The following SLC39A8 variants were observed in gnomAD, a reference collection of about 807,000 sequenced individuals.
The protein encoded by SLC39A8 is solute carrier family 39 member 8.
In SLC39A8, 15 loss-of-function variants were observed where a neutral mutation model predicts 40.4. That is an observed-to-expected ratio of 0.37 (90% confidence interval 0.25 to 0.57). The LOEUF (loss-of-function observed/expected upper bound fraction) is 0.57, where lower values mean the gene tolerates loss of function less well. SLC39A8 is among the 20% of genes least tolerant of loss of function. The pLI is 0.75. For synonymous variants in SLC39A8, 223 were observed against 221.6 expected (o/e 1.01, Z -0.06); for missense variants, 472 against 558.8 (o/e 0.84, Z 1.57).
In SLC39A8 at chr4:102,344,485, G is replaced by A. The variant is rs1736075296; in HGVS notation, c.178C>T (p.Arg60Cys). ...TGGCCAGGCTCCGGGACGCCCACGC[G>A]GGAGGCGGCTCCCATCTGCTCCAGC... Reference protein sequence around the residue: ...HLLEQMGAASRVGVPEPGQLH... With the variant: ...HLLEQMGAASCVGVPEPGQLH... The change falls in exon 2 of 9, where the codon CGC becomes TGC. Residue 60 changes from arginine (R) to cysteine (C), a missense_variant. This residue lies in a region of SLC39A8 where 175 missense variants were observed against 160.5 expected (regional missense o/e 1.09). Transcript: ENST00000356736. The A allele has an allele frequency of 4.5e-6, 7 of 1,551,202 alleles. No homozygotes were observed. Among genetic ancestry groups the A allele is most frequent in the African/African-American group, 1.4e-5 (1 of 72,416 alleles).
intron 2 of SLC39A8, among the ~76,000 whole-genome samples, chr4:102,338,823 C>T (rs1196898272): frequency 6.6e-6 from 1 of 152,068 alleles, no homozygotes; most frequent in African/African-American, 2.4e-5. Flanking sequence ...AATAATGGGA[C>T]CTTTATCATA....
chr4:102,320,179 A>ACATATATATATATGTATATATATATG (rs1553916628), intron 2 of SLC39A8, among the ~76,000 whole-genome samples: 2 of 99,802 alleles, frequency 2.0e-5, no homozygotes, highest in African/African-American at 6.4e-5. Context: ...ATATATATAT[A>ACATATATATATATGTATATATATATG]TATATATATA....
chr4:102,318,747 G>C (rs1172277716), intron 2 of SLC39A8, among the ~76,000 whole-genome samples: 1 of 152,142 alleles, frequency 6.6e-6, no homozygotes, highest in Non-Finnish European at 1.5e-5. Flanking sequence ...GGATCATCAA[G>C]TGCTACTCAG....
At chr4:102,282,618 TG>T (rs5860723) in intron 6 of SLC39A8, among the ~76,000 whole-genome samples, 83,594 of 150,436 alleles carry the variant, frequency 0.56, 25,346 homozygotes, top group Non-Finnish European at 0.68. Flanking sequence ...AATTAAATGG[TG>T]GGGGGGGGTG....
intron 11 of SLC39A8, among the ~76,000 whole-genome samples, chr4:102,256,399 A>G (rs141682152): frequency 5.9e-5 from 9 of 152,300 alleles, no homozygotes; most frequent in South Asian, 2.1e-4. Context: ...CTAGAAATCT[A>G]TGTCTTTATT....
At chr4:102,284,138 C>G (rs426442) in intron 6 of SLC39A8, among the ~76,000 whole-genome samples, 116,942 of 152,118 alleles carry the variant, frequency 0.77, 45,297 homozygotes, top group African/African-American at 0.84. Context: ...TGGGGTACAA[C>G]TATAATTTTG....
chr4:102,268,867 A>G (rs2149005787), intron 6 of SLC39A8, among the ~76,000 whole-genome samples: 1 of 152,368 alleles, frequency 6.6e-6, no homozygotes, highest in Middle Eastern at 3.4e-3. Flanking sequence ...AAATTGTACA[A>G]AATCAAATGA....
intron 2 of SLC39A8, among the ~76,000 whole-genome samples, chr4:102,321,374 T>C (rs1490912219): frequency 1.3e-5 from 2 of 152,092 alleles, no homozygotes; most frequent in Admixed American, 6.6e-5. Flanking sequence ...GCCTGAGCAG[T>C]GGGAGAATAG....
rs375900015 is a variant in SLC39A8, at chr4:102,315,723, G to A, written c.327C>T (p.Asn109=). The A allele has an allele frequency of 1.9e-6, 3 of 1,613,096 alleles. No individual in the cohort carries two copies. The African/African-American group carries it at 4.0e-5, about 22-fold the overall frequency. ...VICPAVLQQL[N]FHPCEDRPKH... ...TGGGCCGATCCTCACATGGGTGAAAGTTCAATTGCTGTAAGACTGCTGGAC... is the reference window on the plus strand; with the variant it reads ...TGGGCCGATCCTCACATGGGTGAAAATTCAATTGCTGTAAGACTGCTGGAC... Residue 109 remains asparagine (N), a synonymous_variant, in exon 3 of 9, where the codon AAC becomes AAT. Coordinates refer to ENST00000356736, the MANE Select transcript of SLC39A8 (RefSeq NM_001135146.2).
At position 102,262,040 on chromosome 4, in the gene SLC39A8, A is replaced by G; in HGVS notation, c.*1004T>C. On this transcript the variant is annotated 3_prime_UTR_variant, in exon 9 of 9. Transcript: ENST00000356736. Reference sequence around the variant, plus strand: ...AAAAGTATAGGCTGAACACAAAGGAAGTCTTTTCTGAATGGCTCTCGATCA... The same window carrying G: ...AAAAGTATAGGCTGAACACAAAGGAGGTCTTTTCTGAATGGCTCTCGATCA... 2 of 985,990 alleles carry G rather than the reference A, an allele frequency of 2.0e-6. No homozygotes were observed. Among genetic ancestry groups the G allele is most frequent in the Non-Finnish European group, 2.4e-6 (2 of 829,922 alleles). 61.1% of individuals were successfully genotyped at this position (985,990 alleles called of 1,614,324 possible).
At chr4:102,282,658 A>G (rs1335529476) in intron 6 of SLC39A8, among the ~76,000 whole-genome samples, 1 of 152,180 alleles carries the variant, frequency 6.6e-6, no homozygotes, top group Non-Finnish European at 1.5e-5. Flanking sequence ...TGAAATATCA[A>G]AATACATTTC....
intron 6 of SLC39A8, among the ~76,000 whole-genome samples, chr4:102,291,688 A>G (rs1172591742): frequency 6.7e-6 from 1 of 150,304 alleles, no homozygotes; most frequent in East Asian, 2.0e-4. Context: ...TTTCTTTGTT[A>G]TGCCCCTAAG....
At chr4:102,327,205 G>A (rs955320495) in intron 2 of SLC39A8, among the ~76,000 whole-genome samples, 9 of 152,236 alleles carry the variant, frequency 5.9e-5, no homozygotes, top group Admixed American at 2.0e-4. Context: ...AGGCTGCAGT[G>A]AGTCATGATC....
chr4:102,329,875 C>G (rs759954429), intron 2 of SLC39A8, among the ~76,000 whole-genome samples: 2 of 152,278 alleles, frequency 1.3e-5, no homozygotes, highest in Non-Finnish European at 2.9e-5. Flanking sequence ...GATTAAGATA[C>G]TCACTCAAAA....
rs1731916833 is a variant in SLC39A8, at chr4:102,262,700, G to T, written c.*344C>A. On this transcript the variant is annotated 3_prime_UTR_variant, in exon 9 of 9. Coordinates refer to ENST00000356736, the MANE Select transcript of SLC39A8 (RefSeq NM_001135146.2). ...ACCATAGAGTTTTAAAGGCTTTCAG[G>T]ATATAACTTGTATTTTCCCCTGAGT... 1 of 1,009,094 alleles carries T rather than the reference G, an allele frequency of 9.9e-7. No homozygotes were observed. Among genetic ancestry groups the T allele is most frequent in the Non-Finnish European group, 1.2e-6 (1 of 845,598 alleles). 62.5% of individuals were successfully genotyped at this position (1,009,094 alleles called of 1,614,324 possible).
chr4:102,342,647 T>C (rs1049321084), intron 2 of SLC39A8, among the ~76,000 whole-genome samples: 3 of 152,220 alleles, frequency 2.0e-5, no homozygotes, highest in South Asian at 2.1e-4. Context: ...CAGTTAAATA[T>C]GCAAACATGA....
rs1268530352 is a variant in SLC39A8, at chr4:102,267,473, A to C, written c.1233+17T>G. The C allele has an allele frequency of 6.4e-7, 1 of 1,566,306 alleles. No homozygotes were observed. The highest frequency in any genetic ancestry group is 8.6e-7 in the Non-Finnish European group (1 of 1,161,210). Reference sequence around the variant, plus strand: ...AAATTTTAAATTAAAAGAAAATACAAATTTTAAGCTTCTTACCATATCTGC... The same window carrying C: ...AAATTTTAAATTAAAAGAAAATACACATTTTAAGCTTCTTACCATATCTGC... On this transcript the variant is annotated intron_variant, in intron 8 of 8. Coordinates refer to ENST00000356736, the MANE Select transcript of SLC39A8 (RefSeq NM_001135146.2).
chr4:102,314,451 C>T, intron 3 of SLC39A8, among the ~76,000 whole-genome samples: 1 of 152,064 alleles, frequency 6.6e-6, no homozygotes, highest in South Asian at 2.1e-4. Flanking sequence ...ACACTACATT[C>T]AGAATAAAAC....
At chr4:102,314,513 C>T (rs969503470) in intron 3 of SLC39A8, among the ~76,000 whole-genome samples, 1 of 152,118 alleles carries the variant, frequency 6.6e-6, no homozygotes, top group African/African-American at 2.4e-5. Context: ...CTCCATCTCC[C>T]GCCAGGACAT....
Sources: gnomAD v4.1 joint callset for allele counts (sites outside exome capture counted in the v4.1 genomes callset) on GRCh38, gnomAD v4.1.1 for gene constraint, gnomAD v4.1.1 regional missense constraint, MANE v1.5 for transcripts, NCBI Gene and HGNC (gene_info 2026-07-23, HGNC 2026-07-21) for gene names.